Variants in MYO16 observed in about 807,000 individuals in gnomAD.
MYO16 encodes myosin XVI.
In MYO16, 94 loss-of-function variants were observed where a neutral mutation model predicts 205.3. The observed-to-expected ratio is 0.46, with a 90% confidence interval of 0.39 to 0.54. The LOEUF (loss-of-function observed/expected upper bound fraction) is 0.54, where lower values mean the gene tolerates loss of function less well. Among genes scored for constraint, MYO16 ranks in the 20% least tolerant of loss-of-function variants. The pLI, the probability that MYO16 is intolerant of heterozygous loss-of-function variation, is 0.00. For missense variants in MYO16, 2,315 were observed against 2,387.5 expected (o/e 0.97, Z 0.63); for synonymous variants, 988 against 954.0 (o/e 1.04, Z -0.66).
At chr13:109,159,344 T>C (rs1321545614) in intron 32 of MYO16, among the ~76,000 whole-genome samples, 1 of 152,226 alleles carries the variant, frequency 6.6e-6, no homozygotes, top group Non-Finnish European at 1.5e-5. Flanking sequence ...AAAATGATCA[T>C]TGTGGTGCGT....
chr13:108,972,575 G>A (rs1385296840), intron 20 of MYO16, among the ~76,000 whole-genome samples: 2 of 150,124 alleles, frequency 1.3e-5, no homozygotes, highest in Admixed American at 1.3e-4. Context: ...GAGATATTTT[G>A]TTCTTGGGAA....
intron 13 of MYO16, 52 bp downstream of exon 13, chr13:108,883,238 G>T (rs762066757): frequency 6.3e-7 from 1 of 1,587,934 alleles, no homozygotes; most frequent in Non-Finnish European, 8.6e-7. Context: ...ACGGGGCTTG[G>T]CAGTAAAGAT....
At chr13:109,058,466 A>G (rs1481109620) in intron 27 of MYO16, among the ~76,000 whole-genome samples, 1 of 152,204 alleles carries the variant, frequency 6.6e-6, no homozygotes, top group Non-Finnish European at 1.5e-5. Context: ...AGCAAATCAC[A>G]TAAAGTTTTT....
chr13:108,916,486 T>A (rs527641234), intron 16 of MYO16, among the ~76,000 whole-genome samples: 1 of 152,304 alleles, frequency 6.6e-6, no homozygotes, highest in South Asian at 2.1e-4. Flanking sequence ...AAGCACAAAG[T>A]CAAAGTCTGC....
At chr13:108,793,334 A>G (rs1395390345) in intron 5 of MYO16, among the ~76,000 whole-genome samples, 182 bp from the exon 6 acceptor site, 1 of 152,014 alleles carries the variant, frequency 6.6e-6, no homozygotes. Flanking sequence ...TATATTTTTT[A>G]AAGACTATAG....
chr13:108,806,125 A>G (rs1358386946), intron 6 of MYO16, among the ~76,000 whole-genome samples: 2 of 152,048 alleles, frequency 1.3e-5, no homozygotes, highest in African/African-American at 4.8e-5. Flanking sequence ...ATATAATTAA[A>G]AAAGAAACTA....
At chr13:109,107,714 T>G (rs1690234392) in intron 28 of MYO16, among the ~76,000 whole-genome samples, 1 of 151,472 alleles carries the variant, frequency 6.6e-6, no homozygotes, top group Non-Finnish European at 1.5e-5. Flanking sequence ...CCTTTCTCCT[T>G]CTCTGGAATT....
chr13:108,826,995 G>A (rs388235), intron 9 of MYO16, among the ~76,000 whole-genome samples: 90,326 of 151,974 alleles, frequency 0.59, 28,062 homozygotes, highest in Middle Eastern at 0.72. Context: ...ACAGTTGAAC[G>A]TAGGTTTACC....
intron 4 of MYO16, among the ~76,000 whole-genome samples, chr13:108,756,338 G>A (rs1478948543): frequency 1.3e-5 from 2 of 152,000 alleles, no homozygotes; most frequent in African/African-American, 4.8e-5. Context: ...TGTCAACATT[G>A]CAGCATTTCA....
chr13:108,609,776 G>T (rs1345664198), intron 1 of MYO16, among the ~76,000 whole-genome samples: 1 of 151,932 alleles, frequency 6.6e-6, no homozygotes, highest in East Asian at 1.9e-4. Flanking sequence ...GGTCATGATG[G>T]CCCTACCATT....
chr13:109,137,095 A>G (rs1233047677), intron 31 of MYO16, among the ~76,000 whole-genome samples: 1 of 152,200 alleles, frequency 6.6e-6, no homozygotes, highest in Non-Finnish European at 1.5e-5. Flanking sequence ...CAGACAGCTG[A>G]GGGCTGGAGC....
chr13:108,792,970 A>G lies in MYO16; in HGVS notation c.617-546A>G, dbSNP rs142832530. Among the ~76,000 whole-genome samples, 334 of 152,318 alleles carry G rather than the reference A, an allele frequency of 2.2e-3. 2 individuals carry two copies. Among genetic ancestry groups the G allele is most frequent in the African/African-American group, 7.8e-3 (323 of 41,566 alleles). On this transcript the variant is annotated intron_variant, in intron 5 of 34. Coordinates refer to ENST00000457511, the MANE Select transcript of MYO16 (RefSeq NM_001198950.3). The stretch of plus-strand genomic sequence containing the variant: ...ATGTATGTTGATGATTTATACTAAA[A>G]CAGATATTAATTGAAAACCTGCCAT...
chr13:108,978,298 A>G (rs568198612), intron 20 of MYO16, among the ~76,000 whole-genome samples: 1 of 152,084 alleles, frequency 6.6e-6, no homozygotes. Flanking sequence ...AGCACTGCCA[A>G]TACATGTGGG....
chr13:108,891,365 A>G (rs1455734133), intron 14 of MYO16, among the ~76,000 whole-genome samples: 1 of 152,190 alleles, frequency 6.6e-6, no homozygotes, highest in Non-Finnish European at 1.5e-5. Flanking sequence ...ATTCCAGTGT[A>G]GGGAAGACAC....
chr13:108,779,481 T>TC (rs1566323407), intron 4 of MYO16: 1 of 152,134 alleles, frequency 6.6e-6, no homozygotes, highest in South Asian at 2.1e-4. Flanking sequence ...AAGTGACCCC[T>TC]CCCCCAAGGC....
chr13:109,169,645 C>T (rs1371231178), intron 33 of MYO16, among the ~76,000 whole-genome samples: 2 of 150,032 alleles, frequency 1.3e-5, no homozygotes, highest in Admixed American at 6.6e-5. Flanking sequence ...AAAGAACTAA[C>T]GAAAATGGAC....
chr13:108,662,358 C>T (rs78933943), intron 1 of MYO16, among the ~76,000 whole-genome samples: 25,991 of 152,084 alleles, frequency 0.17, 3,132 homozygotes, highest in South Asian at 0.32. Flanking sequence ...AAGATTAATG[C>T]CCTTTGTTTG....
At chr13:108,566,512 A>G in the MYO16 span, among the ~76,000 whole-genome samples, 11 of 151,762 alleles carry the variant, frequency 7.2e-5, no homozygotes, top group African/African-American at 2.4e-4. Flanking sequence ...GGTGCCTATA[A>G]TCCCAGCTAC....
At chr13:108,636,555 T>G (rs1429541731) in intron 1 of MYO16, among the ~76,000 whole-genome samples, 1 of 152,012 alleles carries the variant, frequency 6.6e-6, no homozygotes. Flanking sequence ...AATTTTTGTA[T>G]TTTTAGTAGA....
Sources: gnomAD v4.1 joint callset for allele counts (sites outside exome capture counted in the v4.1 genomes callset) on GRCh38, gnomAD v4.1.1 for gene constraint, MANE v1.5 for transcripts, NCBI Gene and HGNC (gene_info 2026-07-23, HGNC 2026-07-21) for gene names.